The following PCDHGB6 variants were observed in gnomAD, a reference collection of about 807,000 sequenced individuals.
The protein encoded by PCDHGB6 is protocadherin gamma subfamily B, 6.
In PCDHGB6, 51 loss-of-function variants were observed where a neutral mutation model predicts 59.1. That is an observed-to-expected ratio of 0.86 (90% CI 0.69 to 1.09). The LOEUF (loss-of-function observed/expected upper bound fraction) is 1.09. Among genes scored for constraint, PCDHGB6 ranks in the 50% least tolerant of loss-of-function variants. PCDHGB6 has a pLI of 0.00. For synonymous variants in PCDHGB6, 466 were observed against 495.1 expected (o/e 0.94, Z 0.78); for missense variants, 1,148 against 1,205.1 (o/e 0.95, Z 0.70).
At chr5:141,427,940 C>T (rs1391166364) in intron 1 of PCDHGB6, 1 of 1,585,904 alleles carries the variant, frequency 6.3e-7, no homozygotes. Context: ...TGGTGGGCGA[C>T]CTCAATGACA....
At chr5:141,415,974 C>T (rs2095976813) in intron 1 of PCDHGB6, 1 of 375,644 alleles carries the variant, frequency 2.7e-6, no homozygotes, top group African/African-American at 2.1e-5. Flanking sequence ...GCCCCTTAAG[C>T]AACCCTCTTG....
At chr5:141,419,443 C>A in intron 1 of PCDHGB6, 1 of 1,613,080 alleles carries the variant, frequency 6.2e-7, no homozygotes, top group Non-Finnish European at 8.5e-7. Context: ...TGCGCACCTT[C>A]GAGCTCACGC....
intron 1 of PCDHGB6, among the ~76,000 whole-genome samples, chr5:141,473,719 T>C (rs998018115): frequency 6.6e-6 from 1 of 152,124 alleles, no homozygotes; most frequent in African/African-American, 2.4e-5. Context: ...CAATGGAATA[T>C]AGTGAGAGAG....
chr5:141,510,141 T>C (rs1596266322), intron 3 of PCDHGB6, among the ~76,000 whole-genome samples: 1 of 152,014 alleles, frequency 6.6e-6, no homozygotes. Flanking sequence ...GGGCTAGTGG[T>C]GTGCACCTGT....
At position 141,431,968 on chromosome 5, in the gene PCDHGB6, T is replaced by A. The variant is rs571981127; in HGVS notation, c.2418+21348T>A. On this transcript the variant is annotated intron_variant, in intron 1 of 3. Coordinates refer to ENST00000520790, the MANE Select transcript of PCDHGB6 (RefSeq NM_018926.3). The surrounding 1 kb of genome is among the most constrained non-coding windows in gnomAD (Gnocchi z 4.8). Reference sequence around the variant, plus strand: ...AAAAATCTTACGGAAATTACTATAGTTTAGTCACAGACATAGTCTTGGATA... The same window carrying A: ...AAAAATCTTACGGAAATTACTATAGATTAGTCACAGACATAGTCTTGGATA... 1.9e-6 allele frequency: 3 copies of A among 1,614,072 alleles called. No individual in the cohort carries two copies. Among genetic ancestry groups the A allele is most frequent in the Non-Finnish European group, 2.5e-6 (3 of 1,180,014 alleles).
In PCDHGB6 at chr5:141,431,615, G is replaced by C. The variant is rs1231591874; in HGVS notation, c.2418+20995G>C. The C allele has an allele frequency of 1.2e-6, 2 of 1,614,118 alleles. No individual in the cohort carries two copies. Among genetic ancestry groups the C allele is most frequent in the Non-Finnish European group, 8.5e-7 (1 of 1,180,050 alleles). ...GAGGTATTCCTTCCGGTATGTGGACGACAAGGCGGCCCAAGTTTTCAAACT... is the reference window on the plus strand; with the variant it reads ...GAGGTATTCCTTCCGGTATGTGGACCACAAGGCGGCCCAAGTTTTCAAACT... On this transcript the variant is annotated intron_variant, in intron 1 of 3. Coordinates refer to ENST00000520790, the MANE Select transcript of PCDHGB6 (RefSeq NM_018926.3). This position sits in a 1 kb window ranked among gnomAD's most constrained non-coding sequence, Gnocchi z 4.8.
At chr5:141,414,496 C>T in intron 1 of PCDHGB6, 7 of 1,613,956 alleles carry the variant, frequency 4.3e-6, no homozygotes, top group Middle Eastern at 1.6e-4. Flanking sequence ...AACGGAAGCT[C>T]ACTTTATGCT....
intron 1 of PCDHGB6, among the ~76,000 whole-genome samples, chr5:141,443,070 T>C (rs983773796): frequency 6.6e-6 from 1 of 152,244 alleles, no homozygotes; most frequent in African/African-American, 2.4e-5. Flanking sequence ...GAGCGTCTTA[T>C]GACTGAGTGT....
rs758181180 is a variant in PCDHGB6 at position 141,485,483 on chromosome 5, G to T, written c.2419-9324G>T. The T allele has an allele frequency of 1.9e-6, 3 of 1,614,106 alleles. No homozygotes were observed. The highest frequency in any genetic ancestry group is 2.5e-6 in the Non-Finnish European group (3 of 1,180,022). ...GTGTGGGCTCAGTGCCAGCTGCATC[G>T]TGCCCCTGGAGTTTGTCACCGAAGG... On this transcript the variant is annotated intron_variant, in intron 1 of 3. Coordinates refer to ENST00000520790, the MANE Select transcript of PCDHGB6 (RefSeq NM_018926.3). The surrounding 1 kb of genome is among the most constrained non-coding windows in gnomAD (Gnocchi z 5.7).
Position 141,410,354 on chromosome 5 carries a change from T to C in PCDHGB6, c.2152T>C (p.Ser718Pro), listed in dbSNP as rs2095384532. 6 of 1,614,048 alleles carry C rather than the reference T, an allele frequency of 3.7e-6. No homozygotes were observed. Among genetic ancestry groups the C allele is most frequent in the Non-Finnish European group, 5.1e-6 (6 of 1,179,902 alleles). Residue 718 changes from serine (S) to proline (P), a missense_variant, in exon 1 of 4, where the codon TCT becomes CCT. Ser to Pro is a moderately conservative substitution (Grantham distance 74). This residue lies in a region of PCDHGB6 where 283 missense variants were observed against 318.6 expected (regional missense o/e 0.89). Transcript: ENST00000520790. ...ILAIALRLRR[S>P]LSPATWDCFH... ...GGCCATTGCCTTGCGCCTGCGACGC[T>C]CTCTCAGCCCTGCTACTTGGGACTG...
In PCDHGB6 at chr5:141,476,868, C is replaced by G. The variant is rs1213404395; in HGVS notation, c.2419-17939C>G. On this transcript the variant is annotated intron_variant, in intron 1 of 3. Transcript: ENST00000520790. This position sits in a 1 kb window ranked among gnomAD's most constrained non-coding sequence, Gnocchi z 7.6. Reference sequence around the variant, plus strand: ...GTCTTCAACCAGTCCTTGTACCGGGCGCGCGTCCTGGAGGATGCACCCTCC... The same window carrying G: ...GTCTTCAACCAGTCCTTGTACCGGGGGCGCGTCCTGGAGGATGCACCCTCC... 2.5e-6 allele frequency: 4 copies of G among 1,613,874 alleles called. No homozygotes were observed. Among genetic ancestry groups the G allele is most frequent in the Non-Finnish European group, 3.4e-6 (4 of 1,180,050 alleles).
chr5:141,427,491 G>A (rs1158414276), intron 1 of PCDHGB6: 1 of 553,626 alleles, frequency 1.8e-6, no homozygotes, highest in Non-Finnish European at 3.4e-6. Context: ...CTATAAGCTT[G>A]TAACAGATGG....
At chr5:141,457,289 G>C (rs907200077) in intron 1 of PCDHGB6, among the ~76,000 whole-genome samples, 2 of 152,146 alleles carry the variant, frequency 1.3e-5, no homozygotes, top group African/African-American at 4.8e-5. Flanking sequence ...GAAGTTCCTT[G>C]GTTTTATTTT....
chr5:141,502,446 C>T (rs541278139), intron 2 of PCDHGB6, among the ~76,000 whole-genome samples: 1 of 152,098 alleles, frequency 6.6e-6, no homozygotes, highest in South Asian at 2.1e-4. Context: ...ATTCAGATTA[C>T]ACACCTTGGT....
At chr5:141,453,871 A>T (rs561367146) in intron 1 of PCDHGB6, among the ~76,000 whole-genome samples, 8 of 152,364 alleles carry the variant, frequency 5.3e-5, no homozygotes, top group African/African-American at 1.9e-4. Flanking sequence ...ACAGATGAGC[A>T]AAATAATGTG....
intron 1 of PCDHGB6, among the ~76,000 whole-genome samples, chr5:141,455,460 A>G (rs1175234914): frequency 1.3e-5 from 2 of 152,186 alleles, no homozygotes; most frequent in Non-Finnish European, 2.9e-5. Flanking sequence ...GATACCAGCC[A>G]GGTATATATG....
At chr5:141,429,408 T>A (rs2097213256) in intron 1 of PCDHGB6, among the ~76,000 whole-genome samples, 1 of 151,838 alleles carries the variant, frequency 6.6e-6, no homozygotes, top group Non-Finnish European at 1.5e-5. Flanking sequence ...GAGATTAAGG[T>A]CTCATTATGT....
intron 1 of PCDHGB6, among the ~76,000 whole-genome samples, chr5:141,437,310 C>T (rs1226274834): frequency 6.6e-6 from 1 of 152,166 alleles, no homozygotes; most frequent in Non-Finnish European, 1.5e-5. Flanking sequence ...TTAAAGCGTT[C>T]AGCTATAATT....
Position 141,431,915 on chromosome 5 carries a change from A to G in PCDHGB6, c.2418+21295A>G. 1 of 1,614,040 alleles carries G rather than the reference A, an allele frequency of 6.2e-7. No homozygotes were observed. The highest frequency in any genetic ancestry group is 8.5e-7 in the Non-Finnish European group (1 of 1,179,854). On this transcript the variant is annotated intron_variant, in intron 1 of 3. Coordinates refer to ENST00000520790, the MANE Select transcript of PCDHGB6 (RefSeq NM_018926.3). The surrounding 1 kb of genome is among the most constrained non-coding windows in gnomAD (Gnocchi z 4.8). ...GGAAAACGGACAGGTGATCTGTTTC[A>G]TCCAAGGAAATCTGCCCTTTAAATT...
Sources: gnomAD v4.1 joint callset for allele counts (sites outside exome capture counted in the v4.1 genomes callset) on GRCh38, gnomAD v4.1.1 for gene constraint, gnomAD v4.1.1 regional missense constraint, Gnocchi (gnomAD v3.1) non-coding constraint, MANE v1.5 for transcripts, NCBI Gene and HGNC (gene_info 2026-07-23, HGNC 2026-07-21) for gene names.